Variants in RIMS2 observed in about 807,000 individuals in gnomAD.
The protein encoded by RIMS2 is regulating synaptic membrane exocytosis 2, also known as regulating synaptic membrane exocytosis protein 2.
In RIMS2, 59 loss-of-function variants were observed where a neutral mutation model predicts 174.4. The observed-to-expected ratio is 0.34, with a 90% confidence interval of 0.27 to 0.42. The LOEUF is 0.42. RIMS2 is among the 10% of genes least tolerant of loss of function. RIMS2 has a pLI of 1.00. For missense variants in RIMS2, 1,620 were observed against 1,666.3 expected (o/e 0.97, Z 0.48); for synonymous variants, 606 against 572.5 (o/e 1.06, Z -0.84).
At chr8:103,917,925 C>T (rs765737175) in intron 8 of RIMS2, among the ~76,000 whole-genome samples, 4 of 151,848 alleles carry the variant, frequency 2.6e-5, no homozygotes, top group Admixed American at 6.6e-5. Context: ...GCTGAGATCG[C>T]GGCACTGCAC....
At chr8:103,657,294 T>G (rs1228151153) in intron 1 of RIMS2, among the ~76,000 whole-genome samples, 1 of 152,064 alleles carries the variant, frequency 6.6e-6, no homozygotes, top group Non-Finnish European at 1.5e-5. Flanking sequence ...CTGGAACACA[T>G]AGCTTCCAGG....
intron 1 of RIMS2, among the ~76,000 whole-genome samples, chr8:103,640,119 T>C (rs529524123): frequency 2.6e-5 from 4 of 151,956 alleles, no homozygotes; most frequent in Non-Finnish European, 5.9e-5. Context: ...TTTGTAAGCA[T>C]TGGTACATTG....
At chr8:104,109,312 A>G (rs937077610) in intron 19 of RIMS2, among the ~76,000 whole-genome samples, 8 of 151,426 alleles carry the variant, frequency 5.3e-5, no homozygotes, top group South Asian at 2.1e-4. Flanking sequence ...AAAAAAAAAA[A>G]AAAAAGAAAT....
At chr8:103,991,939 AT>A (rs1449220185) in intron 17 of RIMS2, among the ~76,000 whole-genome samples, 1 of 152,202 alleles carries the variant, frequency 6.6e-6, no homozygotes, top group Non-Finnish European at 1.5e-5. Flanking sequence ...AGTTGTGTAG[AT>A]TAAATGACAC....
chr8:104,188,225 A>AGATAGATAGATAGAT (rs1554594252), intron 19 of RIMS2, among the ~76,000 whole-genome samples: 192 of 113,626 alleles, frequency 1.7e-3, no homozygotes, highest in African/African-American at 5.8e-3. Flanking sequence ...TTGTTCAGAT[A>AGATAGATAGATAGAT]GATAGATAGA....
At chr8:103,862,826 C>A (rs998375932) in intron 3 of RIMS2, among the ~76,000 whole-genome samples, 10 of 152,132 alleles carry the variant, frequency 6.6e-5, no homozygotes, top group African/African-American at 2.4e-4. Flanking sequence ...GATTTTGCAT[C>A]CTGAAACTTT....
chr8:104,027,571 A>G (rs1234016989), intron 19 of RIMS2, among the ~76,000 whole-genome samples: 1 of 152,174 alleles, frequency 6.6e-6, no homozygotes, highest in East Asian at 1.9e-4. Flanking sequence ...TAGGAAGGTG[A>G]TATGATACAA....
intron 1 of RIMS2, among the ~76,000 whole-genome samples, chr8:103,641,600 T>C (rs192558311): frequency 1.2e-3 from 179 of 152,110 alleles, no homozygotes; most frequent in Non-Finnish European, 1.9e-3. Context: ...CCTAGTATGG[T>C]AGTGTTGGGA....
At chr8:104,120,255 T>C (rs2098352212) in intron 19 of RIMS2, among the ~76,000 whole-genome samples, 1 of 152,196 alleles carries the variant, frequency 6.6e-6, no homozygotes, top group Non-Finnish European at 1.5e-5. Context: ...CCAAAGCATA[T>C]GAGCTAGATC....
At chr8:103,864,312 A>C (rs1381330240) in intron 3 of RIMS2, among the ~76,000 whole-genome samples, 1 of 152,060 alleles carries the variant, frequency 6.6e-6, no homozygotes, top group African/African-American at 2.4e-5. Context: ...TAGGCATTTA[A>C]TACTGTACAC....
In RIMS2 at chr8:103,834,742, TTC is replaced by T. The variant is rs780656073; in HGVS notation, c.699-50548_699-50547del. Among the ~76,000 whole-genome samples, 491 of 109,578 alleles carry T rather than the reference TTC, an allele frequency of 4.5e-3. 9 individuals are homozygous for T. The highest frequency in any genetic ancestry group is 0.019 in the African/African-American group (456 of 23,412). The allele number at this position is 109,578 out of a possible 152,430, so 71.9% of individuals were successfully genotyped here. On this transcript the variant is annotated intron_variant, in intron 3 of 23. Coordinates refer to ENST00000504942, the Ensembl canonical transcript of RIMS2. ...TTTCTTTCTTTCTTTCTTTCTTTCT[TTC>T]TCTCTCTTTCTTTTTCTCTCTCTCT...
intron 19 of RIMS2, among the ~76,000 whole-genome samples, chr8:104,159,164 A>T (rs1323101560): frequency 5.3e-5 from 8 of 152,068 alleles, no homozygotes; most frequent in Admixed American, 5.2e-4. Context: ...TCCTTTCCCC[A>T]TTGCTTGTTT....
intron 19 of RIMS2, among the ~76,000 whole-genome samples, chr8:104,195,357 C>T (rs1158566207): frequency 1.3e-5 from 2 of 151,940 alleles, no homozygotes; most frequent in Non-Finnish European, 2.9e-5. Context: ...AGTGAGAGAA[C>T]ACAGAATTAG....
intron 1 of RIMS2, among the ~76,000 whole-genome samples, chr8:103,591,324 A>T (rs2094245837): frequency 6.6e-6 from 1 of 150,958 alleles, no homozygotes; most frequent in Non-Finnish European, 1.5e-5. Context: ...TTACTATCTC[A>T]TCTGTGTTTT....
At chr8:103,801,121 A>C (rs1211851785) in intron 3 of RIMS2, among the ~76,000 whole-genome samples, 1 of 152,088 alleles carries the variant, frequency 6.6e-6, no homozygotes. Flanking sequence ...AGTAGCTGGG[A>C]CTACAGGTGC....
intron 19 of RIMS2, among the ~76,000 whole-genome samples, chr8:104,228,099 G>C (rs1228471119): frequency 6.6e-6 from 1 of 150,604 alleles, no homozygotes; most frequent in Admixed American, 6.6e-5. Flanking sequence ...TGCGATCTCG[G>C]CTCACTGCAA....
chr8:104,137,796 T>C (rs1360325038), intron 19 of RIMS2, among the ~76,000 whole-genome samples: 1 of 152,174 alleles, frequency 6.6e-6, no homozygotes, highest in Non-Finnish European at 1.5e-5. Context: ...AACAATCCAG[T>C]TATACTCTTT....
chr8:103,620,601 T>G (rs1589176291), intron 1 of RIMS2, among the ~76,000 whole-genome samples: 1 of 152,150 alleles, frequency 6.6e-6, no homozygotes, highest in Non-Finnish European at 1.5e-5. Context: ...GATAGCTGAG[T>G]GCAAAGAGAA....
At chr8:103,559,717 A>C (rs555468244) in intron 1 of RIMS2, among the ~76,000 whole-genome samples, 2 of 152,330 alleles carry the variant, frequency 1.3e-5, no homozygotes, top group African/African-American at 4.8e-5. Flanking sequence ...TTAGATTATC[A>C]AAAACCATGA....
Sources: allele counts gnomAD v4.1 joint callset (sites outside exome capture counted in the v4.1 genomes callset), GRCh38; gene constraint gnomAD v4.1.1; transcripts MANE v1.5; gene names NCBI Gene and HGNC (gene_info 2026-07-23, HGNC 2026-07-21).